Variants in PKNOX2 observed in about 807,000 individuals in gnomAD.
The protein encoded by PKNOX2 is PBX/knotted 1 homeobox 2.
In PKNOX2, 14 loss-of-function variants were observed where a neutral mutation model predicts 53.1. The observed-to-expected ratio is 0.26, with a 90% CI of 0.17 to 0.41. The LOEUF (loss-of-function observed/expected upper bound fraction) is 0.41, where lower values mean the gene tolerates loss of function less well. Among genes scored for constraint, PKNOX2 ranks in the 10% least tolerant of loss-of-function variants. PKNOX2 has a pLI of 1.00. For synonymous variants in PKNOX2, 257 were observed against 242.8 expected, an observed-to-expected ratio of 1.06 and a Z score of -0.54; for missense variants, 496 against 602.8, an observed-to-expected ratio of 0.82 and a Z score of 1.85.
chr11:125,248,805 C>T (rs1943758100), intron 2 of PKNOX2, among the ~76,000 whole-genome samples: 1 of 146,344 alleles, frequency 6.8e-6, no homozygotes, highest in African/African-American at 2.5e-5. Flanking sequence ...CACTATGTTG[C>T]CCAGGGTGGA....
At chr11:125,342,401 C>T (rs555235529) in intron 3 of PKNOX2, among the ~76,000 whole-genome samples, 1 of 152,258 alleles carries the variant, frequency 6.6e-6, no homozygotes, top group African/African-American at 2.4e-5. Flanking sequence ...TCACACCTTA[C>T]ATGGTCCCCA....
chr11:125,347,209 C>G (rs1329542974), intron 3 of PKNOX2, among the ~76,000 whole-genome samples: 2 of 151,912 alleles, frequency 1.3e-5, no homozygotes, highest in Admixed American at 1.3e-4. Context: ...AGCGAGCTGG[C>G]CCTACTTTCC....
In PKNOX2 at chr11:125,398,036, C is replaced by A; in HGVS notation, c.562C>A (p.Gln188Lys). The change falls in exon 7 of 13, where the codon CAG (glutamine) becomes AAG (lysine). Residue 188 changes from glutamine to lysine, a missense_variant. Coordinates refer to ENST00000298282, the MANE Select transcript of PKNOX2 (RefSeq NM_001382323.2). The stretch of plus-strand genomic sequence containing the variant: ...TCTAGGGGGGCCCTACTCCCCCAAC[C>A]AGCCCTCCATCAACCTTCACTCACA... ...NDLGGPYSPN[Q>K]PSINLHSQDL... 1 of 1,612,796 alleles carries A rather than the reference C, an allele frequency of 6.2e-7. No individual in the cohort carries two copies.
At chr11:125,323,341 C>A (rs60501091) in intron 2 of PKNOX2, among the ~76,000 whole-genome samples, 3,232 of 152,204 alleles carry the variant, frequency 0.021, 97 homozygotes, top group African/African-American at 0.061. Flanking sequence ...TTTTACCATG[C>A]CTTCCACTTC....
chr11:125,396,089 G>T (rs1468884309), intron 6 of PKNOX2, among the ~76,000 whole-genome samples: 1 of 151,992 alleles, frequency 6.6e-6, no homozygotes, highest in African/African-American at 2.4e-5. Context: ...AAGTAGCTGG[G>T]ACTTCAGGCA....
intron 1 of PKNOX2, among the ~76,000 whole-genome samples, chr11:125,174,378 A>G (rs1457380977): frequency 6.6e-6 from 1 of 152,172 alleles, no homozygotes; most frequent in Non-Finnish European, 1.5e-5. Flanking sequence ...GACCAAACAA[A>G]ACGCATGTGA....
chr11:125,408,721 A>G (rs1955276739), intron 7 of PKNOX2, among the ~76,000 whole-genome samples: 1 of 152,126 alleles, frequency 6.6e-6, no homozygotes, highest in Admixed American at 6.5e-5. Context: ...CTGTGTTGTC[A>G]GGGTCTGGGA....
intron 1 of PKNOX2, among the ~76,000 whole-genome samples, chr11:125,167,936 G>A (rs1351894792): frequency 6.6e-6 from 1 of 152,162 alleles, no homozygotes; most frequent in East Asian, 1.9e-4. Flanking sequence ...TTTCCAGTCC[G>A]GTTTCATCTG....
At chr11:125,342,057 T>A (rs1950717229) in intron 3 of PKNOX2, among the ~76,000 whole-genome samples, 1 of 152,150 alleles carries the variant, frequency 6.6e-6, no homozygotes, top group South Asian at 2.1e-4. Context: ...ACCAGGAAGG[T>A]GCAGGAAGGG....
intron 2 of PKNOX2, among the ~76,000 whole-genome samples, chr11:125,314,829 A>T (rs184451275): frequency 1.2e-3 from 188 of 152,220 alleles, no homozygotes; most frequent in Non-Finnish European, 2.0e-3. Flanking sequence ...CTGGCTGGAC[A>T]CTGGATTACC....
rs1287746578 is a variant in PKNOX2 at position 125,334,597 on chromosome 11, T to C, written c.-23+2672T>C. Among the ~76,000 whole-genome samples the C allele has an allele frequency of 1.6e-3, 231 of 142,208 alleles. 1 individual carries two copies. Among genetic ancestry groups the C allele is most frequent in the African/African-American group, 6.6e-3 (216 of 32,950 alleles). 93.3% of individuals were successfully genotyped at this position (142,208 alleles called of 152,430 possible). ...GTAACTTAAGTTTTCGTTTTTTTTT[T>C]TTTTTCTTTTCATTTTTTTGAGACA... is the stretch of plus-strand genomic sequence containing the variant. On this transcript the variant is annotated intron_variant, in intron 3 of 12. Transcript: ENST00000298282.
intron 5 of PKNOX2, among the ~76,000 whole-genome samples, chr11:125,371,336 G>T (rs1292516910): frequency 6.6e-6 from 1 of 152,128 alleles, no homozygotes; most frequent in Non-Finnish European, 1.5e-5. Flanking sequence ...TTTGGACCCA[G>T]CTCAGTTCTC....
At chr11:125,371,727 C>G (rs1952561063) in intron 5 of PKNOX2, among the ~76,000 whole-genome samples, 1 of 152,090 alleles carries the variant, frequency 6.6e-6, no homozygotes, top group African/African-American at 2.4e-5. Flanking sequence ...AGATTCTCTC[C>G]GAGAACCAGG....
intron 3 of PKNOX2, among the ~76,000 whole-genome samples, chr11:125,348,887 A>G (rs961511157): frequency 1.3e-5 from 2 of 152,132 alleles, no homozygotes; most frequent in Non-Finnish European, 2.9e-5. Context: ...GAGGGGGAGA[A>G]AGCCCTCCTT....
chr11:125,185,449 C>T (rs1802412801), intron 1 of PKNOX2, among the ~76,000 whole-genome samples: 1 of 152,136 alleles, frequency 6.6e-6, no homozygotes, highest in Admixed American at 6.6e-5. Context: ...GTGCAAACTT[C>T]ACCATATATA....
At chr11:125,225,335 A>G (rs1941598555) in intron 1 of PKNOX2, among the ~76,000 whole-genome samples, 1 of 152,224 alleles carries the variant, frequency 6.6e-6, no homozygotes, top group Non-Finnish European at 1.5e-5. Flanking sequence ...CCCCCAGCCT[A>G]GTGAAGGATC....
At chr11:125,178,614 G>GAA (rs1691791789) in intron 1 of PKNOX2, among the ~76,000 whole-genome samples, 1 of 60,772 alleles carries the variant, frequency 1.6e-5, no homozygotes, top group East Asian at 5.8e-4. Flanking sequence ...AGGAAGGAAA[G>GAA]AAAGAAAGAA....
chr11:125,212,987 T>C (rs1289030716), intron 1 of PKNOX2, among the ~76,000 whole-genome samples: 1 of 152,012 alleles, frequency 6.6e-6, no homozygotes, highest in African/African-American at 2.4e-5. Context: ...CCCTAGATCT[T>C]TGGGTCAGAG....
chr11:125,297,816 C>A (rs1174823565), intron 2 of PKNOX2, among the ~76,000 whole-genome samples: 1 of 152,204 alleles, frequency 6.6e-6, no homozygotes, highest in Non-Finnish European at 1.5e-5. Flanking sequence ...CTCAGCTCAG[C>A]GTCATCTCCT....
Sources: gnomAD v4.1 joint callset for allele counts (sites outside exome capture counted in the v4.1 genomes callset) on GRCh38, gnomAD v4.1.1 for gene constraint, MANE v1.5 for transcripts, NCBI Gene and HGNC (gene_info 2026-07-23, HGNC 2026-07-21) for gene names.